NOL4L: variants seen among roughly 807,000 people sequenced by gnomAD.
NOL4L encodes nucleolar protein 4 like.
In NOL4L, 7 loss-of-function variants were observed where a neutral mutation model predicts 64.5. That is an observed-to-expected ratio of 0.11 (90% CI 0.06 to 0.20). The LOEUF (loss-of-function observed/expected upper bound fraction) is 0.20, where lower values mean the gene tolerates loss of function less well. NOL4L is among the 10% of genes least tolerant of loss of function. The pLI is 1.00. For synonymous variants in NOL4L, 413 were observed against 401.0 expected, an observed-to-expected ratio of 1.03 and a Z score of -0.36; for missense variants, 680 against 967.1, an observed-to-expected ratio of 0.70 and a Z score of 3.94.
At chr20:32,485,550 A>C in intron 4 of NOL4L, 1 of 330,780 alleles carries the variant, frequency 3.0e-6, no homozygotes, top group South Asian at 2.3e-5. Flanking sequence ...ACTCATTTGC[A>C]CCTTTTATTC....
intron 5 of NOL4L, among the ~76,000 whole-genome samples, chr20:32,468,917 A>AAGAAAG (rs59033895): frequency 6.4e-5 from 7 of 109,796 alleles, no homozygotes; most frequent in African/African-American, 1.6e-4. Flanking sequence ...AAAAAAAAAA[A>AAGAAAG]AAAGAAAGAA....
chr20:32,515,167 C>T (rs1326099882), intron 3 of NOL4L, among the ~76,000 whole-genome samples: 2 of 152,140 alleles, frequency 1.3e-5, no homozygotes, highest in Non-Finnish European at 2.9e-5. Context: ...CCTGTTCCCA[C>T]CCCAGTGTCT....
intron 1 of NOL4L, among the ~76,000 whole-genome samples, chr20:32,530,878 G>A (rs1019017818): frequency 4.6e-5 from 7 of 151,692 alleles, no homozygotes; most frequent in Non-Finnish European, 8.8e-5. Flanking sequence ...CTGAGATCAC[G>A]CCATTGCACT....
At chr20:32,499,287 C>T (rs1262020774) in intron 4 of NOL4L, among the ~76,000 whole-genome samples, 1 of 152,194 alleles carries the variant, frequency 6.6e-6, no homozygotes, top group Non-Finnish European at 1.5e-5. Context: ...ACACTGGGCT[C>T]ATGGTGCTCC....
In NOL4L at chr20:32,447,418, A is replaced by AAAT. The variant is rs2012393234; in HGVS notation, c.*177_*178insATT. The AAAT allele has an allele frequency of 2.6e-6, 2 of 756,974 alleles. No homozygotes were observed. The highest frequency in any genetic ancestry group is 6.8e-5 in the East Asian group (2 of 29,322). 46.9% of individuals were successfully genotyped at this position (756,974 alleles called of 1,614,324 possible). On this transcript the variant is annotated 3_prime_UTR_variant, in exon 11 of 11. Coordinates refer to ENST00000621426, the MANE Select transcript of NOL4L (RefSeq NM_001256798.2). ...GGTGAGATTCCAAAAAAAAAAAAAAAAAAAAAAAAAAGTGTCCTTGTGCCC... is the reference window on the plus strand; with the variant it reads ...GGTGAGATTCCAAAAAAAAAAAAAAAAATAAAAAAAAAAAGTGTCCTTGTGCCC...
intron 1 of NOL4L, among the ~76,000 whole-genome samples, chr20:32,545,405 C>G (rs1246171538): frequency 6.6e-6 from 1 of 152,260 alleles, no homozygotes; most frequent in Non-Finnish European, 1.5e-5. Context: ...GCCACTCACA[C>G]GTGTGCGATG....
At chr20:32,467,120 C>T (rs2014621765) in intron 5 of NOL4L, among the ~76,000 whole-genome samples, 1 of 152,206 alleles carries the variant, frequency 6.6e-6, no homozygotes, top group Non-Finnish European at 1.5e-5. Context: ...CCTGATCCCT[C>T]ACTTGAACGG....
chr20:32,546,071 C>T (rs1022470547), intron 1 of NOL4L, among the ~76,000 whole-genome samples: 3 of 151,850 alleles, frequency 2.0e-5, no homozygotes, highest in African/African-American at 4.8e-5. Context: ...GCCTCAGCCT[C>T]CCAGTAGCTG....
At chr20:32,531,027 G>T (rs576662487) in intron 1 of NOL4L, among the ~76,000 whole-genome samples, 95 of 152,294 alleles carry the variant, frequency 6.2e-4, no homozygotes, top group African/African-American at 2.1e-3. Context: ...TATCATGGGG[G>T]TAGTTCCACT....
In NOL4L at chr20:32,488,818, TTTCTTTCTTTTTCTTTC is replaced by T. The variant is rs1568648585; in HGVS notation, c.700-14093_700-14077del. Among the ~76,000 whole-genome samples the T allele has an allele frequency of 6.3e-4, 11 of 17,420 alleles. No homozygotes were observed. The Admixed American group carries it at 7.9e-3, about 12-fold the overall frequency. 11.4% of individuals were successfully genotyped at this position (17,420 alleles called of 152,430 possible). A position where few individuals can be genotyped will look rare whatever the true frequency, so the allele number is the denominator to read the frequency against. ...TTCTTTCTTTCTTTTTCTTTCTTTC[TTTCTTTCTTTTTCTTTC>T]TTTCTTTCTTTCTTTCTTTCTTTCT... On this transcript the variant is annotated intron_variant, in intron 4 of 10. Transcript: ENST00000621426.
At chr20:32,488,144 G>T (rs1051683625) in intron 4 of NOL4L, among the ~76,000 whole-genome samples, 1 of 152,106 alleles carries the variant, frequency 6.6e-6, no homozygotes, top group Non-Finnish European at 1.5e-5. Flanking sequence ...TGTCCAGGCT[G>T]GTCTCAAGCT....
At position 32,447,414 on chromosome 20, in the gene NOL4L, A is replaced by AAG; in HGVS notation, c.*181_*182insCT. 1.4e-6 allele frequency: 1 copy of AAG among 726,868 alleles called. No homozygotes were observed. 45.0% of individuals were successfully genotyped at this position (726,868 alleles called of 1,614,324 possible). ...GTGTGGTGAGATTCCAAAAAAAAAA[A>AAG]AAAAAAAAAAAAAAAGTGTCCTTGT... On this transcript the variant is annotated 3_prime_UTR_variant, in exon 11 of 11. Transcript: ENST00000621426.
chr20:32,477,233 A>T (rs934609831), intron 4 of NOL4L, among the ~76,000 whole-genome samples: 1 of 152,178 alleles, frequency 6.6e-6, no homozygotes, highest in Admixed American at 6.5e-5. Flanking sequence ...CCCTCACTAC[A>T]GGTCCACCAG....
chr20:32,530,733 C>A (rs949771053), intron 1 of NOL4L, among the ~76,000 whole-genome samples: 2 of 152,002 alleles, frequency 1.3e-5, no homozygotes, highest in African/African-American at 4.8e-5. Context: ...ACCAGCCTGA[C>A]CAACATGGAG....
chr20:32,499,862 A>G (rs2016848917), intron 4 of NOL4L, among the ~76,000 whole-genome samples: 1 of 152,114 alleles, frequency 6.6e-6, no homozygotes, highest in African/African-American at 2.4e-5. Flanking sequence ...ATATTAAAAC[A>G]TATGATAAAG....
chr20:32,573,233 T>C (rs1009454443), intron 1 of NOL4L, among the ~76,000 whole-genome samples: 1 of 152,044 alleles, frequency 6.6e-6, no homozygotes, highest in Non-Finnish European at 1.5e-5. Flanking sequence ...CCAGGGCTGG[T>C]CTCAAACTCC....
At chr20:32,553,433 C>T (rs1041813330) in intron 1 of NOL4L, among the ~76,000 whole-genome samples, 1 of 152,166 alleles carries the variant, frequency 6.6e-6, no homozygotes, top group African/African-American at 2.4e-5. Flanking sequence ...TCCTGGAATC[C>T]TCTCCCACCA....
At chr20:32,494,400 C>T (rs1171266016) in intron 4 of NOL4L, among the ~76,000 whole-genome samples, 2 of 151,974 alleles carry the variant, frequency 1.3e-5, no homozygotes, top group Non-Finnish European at 2.9e-5. Context: ...ACACAGAAGG[C>T]CCCCAACAAT....
At chr20:32,466,757 G>C (rs920054777) in intron 5 of NOL4L, among the ~76,000 whole-genome samples, 1 of 152,220 alleles carries the variant, frequency 6.6e-6, no homozygotes, top group Non-Finnish European at 1.5e-5. Context: ...TAATGAGCAG[G>C]TGTTGGGGAG....
Sources: allele counts gnomAD v4.1 joint callset (sites outside exome capture counted in the v4.1 genomes callset), GRCh38; gene constraint gnomAD v4.1.1; transcripts MANE v1.5; gene names NCBI Gene and HGNC (gene_info 2026-07-23, HGNC 2026-07-21).